Variants in TMPRSS11A observed in about 807,000 individuals in gnomAD.
TMPRSS11A encodes the protein transmembrane serine protease 11A, also known as transmembrane protease serine 11A.
In TMPRSS11A, 53 loss-of-function variants were observed where a neutral mutation model predicts 58.9. The observed-to-expected ratio is 0.90, with a 90% CI of 0.72 to 1.13. The LOEUF (loss-of-function observed/expected upper bound fraction) is 1.13. TMPRSS11A is among the 50% of genes most tolerant of loss of function. The probability of loss-of-function intolerance (pLI) is 0.00; values close to 1 mark genes in which losing one functional copy is unlikely to be tolerated. For synonymous variants in TMPRSS11A, 167 were observed against 169.8 expected (o/e 0.98, Z 0.13); for missense variants, 493 against 499.3 (o/e 0.99, Z 0.12).
At chr4:67,960,431 C>G (rs1403731108) in intron 1 of TMPRSS11A, among the ~76,000 whole-genome samples, 1 of 152,190 alleles carries the variant, frequency 6.6e-6, no homozygotes, top group African/African-American at 2.4e-5. Flanking sequence ...CCTTCACTTA[C>G]TAGCTTGTGA....
chr4:67,944,710 A>G (rs992862309), intron 2 of TMPRSS11A, 73 bp from the exon 3 acceptor site: 1 of 1,279,562 alleles, frequency 7.8e-7, no homozygotes, highest in Non-Finnish European at 1.1e-6. Context: ...CAATGGGGCC[A>G]ATATAAATCT....
At chr4:67,962,642 A>G (rs1042179059) in intron 1 of TMPRSS11A, among the ~76,000 whole-genome samples, 1 of 152,240 alleles carries the variant, frequency 6.6e-6, no homozygotes, top group Non-Finnish European at 1.5e-5. Flanking sequence ...CAAAAATAGT[A>G]CAAGTCTAAA....
At chr4:67,938,030 A>C (rs1720794199) in intron 3 of TMPRSS11A, among the ~76,000 whole-genome samples, 1 of 152,176 alleles carries the variant, frequency 6.6e-6, no homozygotes. Context: ...AACAGTATTT[A>C]AGCATTCTCT....
intron 5 of TMPRSS11A, among the ~76,000 whole-genome samples, chr4:67,924,671 A>G (rs892517257): frequency 6.6e-6 from 1 of 152,212 alleles, no homozygotes; most frequent in African/African-American, 2.4e-5. Context: ...CATGTCTTAC[A>G]TGGTGGCAAG....
At chr4:67,925,127 T>C (rs936928123) in intron 5 of TMPRSS11A, among the ~76,000 whole-genome samples, 2 of 152,190 alleles carry the variant, frequency 1.3e-5, no homozygotes, top group African/African-American at 4.8e-5. Context: ...ATCCAAAATA[T>C]ACTGAATAGT....
chr4:67,947,293 T>A (rs6823814), intron 1 of TMPRSS11A, among the ~76,000 whole-genome samples: 100,464 of 152,068 alleles, frequency 0.66, 37,037 homozygotes, highest in Non-Finnish European at 0.83. Context: ...TCATTATAAT[T>A]ACACATGATT....
chr4:67,942,109 T>G (rs1720894712), intron 3 of TMPRSS11A, among the ~76,000 whole-genome samples: 1 of 152,190 alleles, frequency 6.6e-6, no homozygotes, highest in East Asian at 1.9e-4. Flanking sequence ...AAGTTAATAA[T>G]TATACGTAAC....
At chr4:67,940,184 C>T (rs573596311) in intron 3 of TMPRSS11A, among the ~76,000 whole-genome samples, 1 of 152,158 alleles carries the variant, frequency 6.6e-6, no homozygotes, top group Non-Finnish European at 1.5e-5. Context: ...GGGATATTGG[C>T]CTGTAATTTT....
intron 9 of TMPRSS11A, among the ~76,000 whole-genome samples, chr4:67,912,993 C>CT (rs1194934478): frequency 3.3e-5 from 5 of 152,098 alleles, no homozygotes; most frequent in African/African-American, 9.7e-5. Flanking sequence ...TCCTCTGTGT[C>CT]TTTTTTGTTG....
At chr4:67,932,679 A>C (rs1720659299) in intron 3 of TMPRSS11A, among the ~76,000 whole-genome samples, 1 of 152,134 alleles carries the variant, frequency 6.6e-6, no homozygotes, top group African/African-American at 2.4e-5. Context: ...TACAGGTCTT[A>C]GCTCTGCAGG....
intron 3 of TMPRSS11A, among the ~76,000 whole-genome samples, chr4:67,935,294 T>C (rs1163224847): frequency 6.6e-6 from 1 of 152,170 alleles, no homozygotes; most frequent in East Asian, 1.9e-4. Flanking sequence ...ATGGCCCTCA[T>C]TTTCCTGCAT....
At chr4:67,922,052 G>A (rs1720344771) in intron 7 of TMPRSS11A, among the ~76,000 whole-genome samples, 1 of 152,100 alleles carries the variant, frequency 6.6e-6, no homozygotes, top group Non-Finnish European at 1.5e-5. Flanking sequence ...ACAATTATAG[G>A]ATAGCACAAT....
intron 3 of TMPRSS11A, among the ~76,000 whole-genome samples, chr4:67,939,998 A>G (rs1308548932): frequency 1.3e-5 from 2 of 152,062 alleles, no homozygotes; most frequent in African/African-American, 4.8e-5. Context: ...TAATTGTATG[A>G]TTTTTGTTTT....
chr4:67,941,358 G>T (rs1480704175), intron 3 of TMPRSS11A, among the ~76,000 whole-genome samples: 1 of 152,144 alleles, frequency 6.6e-6, no homozygotes, highest in Non-Finnish European at 1.5e-5. Flanking sequence ...GATGGGAGGA[G>T]AAAAACACCT....
Position 67,929,970 on chromosome 4 carries a change from C to G in TMPRSS11A, c.391G>C (p.Val131Leu). The stretch of plus-strand genomic sequence containing the variant: ...ATGCTTTGGATTTTCTTCTCTCTTA[C>G]TGCCCTTTGTTCAGTAGAGGGGAAC... Reference protein sequence around the residue: ...FQFPSTEQRAVREKKIQSILN... With the variant: ...FQFPSTEQRALREKKIQSILN... Residue 131 changes from valine to leucine, a missense_variant, in exon 5 of 10, where the codon GTA becomes CTA. Val to Leu is a conservative substitution (Grantham distance 32). Transcript: ENST00000508048. 1 of 1,613,806 alleles carries G rather than the reference C, an allele frequency of 6.2e-7. No homozygotes were observed. The highest frequency in any genetic ancestry group is 8.5e-7 in the Non-Finnish European group (1 of 1,179,764).
At chr4:67,922,438 G>C (rs1222203502) in intron 7 of TMPRSS11A, among the ~76,000 whole-genome samples, 2 of 152,176 alleles carry the variant, frequency 1.3e-5, no homozygotes, top group Non-Finnish European at 2.9e-5. Context: ...AGCATTGTTT[G>C]ACAAAAGATT....
chr4:67,949,090 A>C (rs1165104932), intron 1 of TMPRSS11A, among the ~76,000 whole-genome samples: 3 of 152,232 alleles, frequency 2.0e-5, no homozygotes, highest in Non-Finnish European at 2.9e-5. Flanking sequence ...AAAAGAAAAA[A>C]AGACCAAAGG....
chr4:67,938,221 C>T (rs932400958), intron 3 of TMPRSS11A, among the ~76,000 whole-genome samples: 1 of 152,108 alleles, frequency 6.6e-6, no homozygotes, highest in African/African-American at 2.4e-5. Context: ...AGCATCTGTT[C>T]ATGTTCTTTG....
chr4:67,962,148 T>C (rs896118872), intron 1 of TMPRSS11A, among the ~76,000 whole-genome samples: 6 of 152,172 alleles, frequency 3.9e-5, no homozygotes, highest in African/African-American at 9.7e-5. Context: ...ATGCTAGATA[T>C]TTACATCTGC....
Sources: gnomAD v4.1 joint callset for allele counts (sites outside exome capture counted in the v4.1 genomes callset) on GRCh38, gnomAD v4.1.1 for gene constraint, MANE v1.5 for transcripts, NCBI Gene and HGNC (gene_info 2026-07-23, HGNC 2026-07-21) for gene names.